The following CNMD variants were observed in gnomAD, a reference collection of about 807,000 sequenced individuals.
The protein encoded by CNMD is leukocyte cell-derived chemotaxin 1.
A neutral mutation model predicts 37.5 loss-of-function variants in CNMD; 30 were observed. That is an observed-to-expected ratio of 0.80 (90% CI 0.60 to 1.09). The LOEUF (loss-of-function observed/expected upper bound fraction) is 1.09. Among genes scored for constraint, CNMD ranks in the 50% least tolerant of loss-of-function variants. CNMD has a pLI of 0.00. For missense variants in CNMD, 398 were observed against 423.9 expected (o/e 0.94, Z 0.54); for synonymous variants, 167 against 148.2 (o/e 1.13, Z -0.92).
At chr13:52,721,514 G>C (rs1964481429) in intron 4 of CNMD, among the ~76,000 whole-genome samples, 1 of 152,242 alleles carries the variant, frequency 6.6e-6, no homozygotes, top group Admixed American at 6.5e-5. Context: ...CTCATGGCAT[G>C]GTCCCTCACA....
At chr13:52,724,922 AATAGAG>A (rs1390228869) in intron 3 of CNMD, among the ~76,000 whole-genome samples, 1 of 152,166 alleles carries the variant, frequency 6.6e-6, no homozygotes, top group Admixed American at 6.5e-5. Flanking sequence ...AACAAACAAG[AATAGAG>A]ATAAAGTCAG....
chr13:52,732,860 T>C (rs769080532), intron 3 of CNMD, among the ~76,000 whole-genome samples: 1 of 152,228 alleles, frequency 6.6e-6, no homozygotes, highest in Non-Finnish European at 1.5e-5. Context: ...GTTTTTTTCT[T>C]CCAGTTTTAA....
At chr13:52,718,672 T>C (rs1964430278) in intron 4 of CNMD, among the ~76,000 whole-genome samples, 1 of 152,242 alleles carries the variant, frequency 6.6e-6, no homozygotes, top group African/African-American at 2.4e-5. Context: ...TTCTTAATCC[T>C]GAGTTCTAAT....
intron 3 of CNMD, among the ~76,000 whole-genome samples, chr13:52,730,566 A>G (rs974974186): frequency 2.6e-5 from 4 of 152,010 alleles, no homozygotes; most frequent in African/African-American, 9.7e-5. Flanking sequence ...CATTTCTCTG[A>G]TGGCCAGTGA....
At chr13:52,713,464 T>G (rs1431324443) in intron 4 of CNMD, among the ~76,000 whole-genome samples, 1 of 152,236 alleles carries the variant, frequency 6.6e-6, no homozygotes, top group Non-Finnish European at 1.5e-5. Flanking sequence ...CACAGTGAGA[T>G]GCTGAGAATG....
rs748371703 is a variant in CNMD at position 52,739,197 on chromosome 13, C to A, written c.73-26G>T. The stretch of plus-strand genomic sequence containing the variant: ...CTGCGGGCCGGGGCGGGAGAGGGAC[C>A]GTCGCGTTTGTGCCGCCAGCACCTG... On this transcript the variant is annotated intron_variant, in intron 1 of 6. Transcript: ENST00000377962. This position sits in a 1 kb window ranked among gnomAD's most constrained non-coding sequence, Gnocchi z 5.4. 15 of 1,453,294 alleles carry A rather than the reference C, an allele frequency of 1.0e-5. 1 individual carries two copies. In the South Asian group the frequency reaches 2.2e-4, roughly 22 times the overall value. The allele number at this position is 1,453,294 out of a possible 1,614,324, so 90.0% of individuals were successfully genotyped here.
intron 3 of CNMD, 102 bp from the exon 4 acceptor site, chr13:52,724,212 G>T: frequency 1.2e-6 from 1 of 830,358 alleles, no homozygotes; most frequent in Non-Finnish European, 2.0e-6. Flanking sequence ...GCTAGGGATA[G>T]GGATGAACAA....
chr13:52,723,933 A>G (rs1257134035), intron 4 of CNMD, 64 bp downstream of exon 4: 1 of 1,018,850 alleles, frequency 9.8e-7, no homozygotes, highest in African/African-American at 1.6e-5. Flanking sequence ...AAAAACCAAA[A>G]GGGTTGTGCC....
intron 2 of CNMD, among the ~76,000 whole-genome samples, chr13:52,735,911 C>A (rs1478630704): frequency 2.0e-5 from 3 of 150,304 alleles, no homozygotes; most frequent in Non-Finnish European, 3.0e-5. Context: ...CTCACTGCAA[C>A]CTCCGCCTCC....
At chr13:52,719,798 T>C (rs1312535415) in intron 4 of CNMD, among the ~76,000 whole-genome samples, 1 of 152,228 alleles carries the variant, frequency 6.6e-6, no homozygotes, top group Non-Finnish European at 1.5e-5. Context: ...CTGACGATTA[T>C]GTGTCTTGGG....
intron 5 of CNMD, among the ~76,000 whole-genome samples, chr13:52,711,338 C>T (rs1419316790): frequency 6.6e-6 from 1 of 152,170 alleles, no homozygotes; most frequent in Non-Finnish European, 1.5e-5. Flanking sequence ...AGGTGTGGAA[C>T]AGAAAGCCAG....
chr13:52,724,291 C>T (rs1263166702), intron 3 of CNMD, among the ~76,000 whole-genome samples, 181 bp from the exon 4 acceptor site: 5 of 151,604 alleles, frequency 3.3e-5, no homozygotes, highest in East Asian at 3.9e-4. Flanking sequence ...AACAGCCGGG[C>T]GGCCTGGCGC....
chr13:52,709,000 G>A (rs58117431), intron 5 of CNMD, among the ~76,000 whole-genome samples: 1,724 of 152,166 alleles, frequency 0.011, 34 homozygotes, highest in African/African-American at 0.039. Flanking sequence ...CTTCACTACT[G>A]GGGCTGAGAA....
intron 3 of CNMD, 128 bp from the exon 4 acceptor site, chr13:52,724,238 C>T: frequency 1.5e-6 from 1 of 687,372 alleles, no homozygotes; most frequent in South Asian, 1.7e-5. Context: ...ATGGAACTGC[C>T]CTCATGGAAC....
At chr13:52,718,200 A>G (rs962905666) in intron 4 of CNMD, among the ~76,000 whole-genome samples, 1 of 152,076 alleles carries the variant, frequency 6.6e-6, no homozygotes, top group African/African-American at 2.4e-5. Flanking sequence ...CCCCCTTATC[A>G]TTTTTTATTG....
chr13:52,728,473 A>G (rs1964611714), intron 3 of CNMD, among the ~76,000 whole-genome samples: 1 of 152,178 alleles, frequency 6.6e-6, no homozygotes, highest in Admixed American at 6.5e-5. Flanking sequence ...GTGGGGCCTA[A>G]AATCTGCATT....
chr13:52,710,279 TTTAAC>T (rs1427838428), intron 5 of CNMD, among the ~76,000 whole-genome samples: 1 of 152,246 alleles, frequency 6.6e-6, no homozygotes, highest in African/African-American at 2.4e-5. Flanking sequence ...TTCTGCTTCT[TTTAAC>T]TAACTAAATG....
chr13:52,719,340 T>C (rs1260225405), intron 4 of CNMD, among the ~76,000 whole-genome samples: 14 of 152,228 alleles, frequency 9.2e-5, no homozygotes, highest in Admixed American at 8.5e-4. Context: ...AAGGTTAATA[T>C]TGTTATGTGT....
In CNMD at chr13:52,720,108, C is replaced by CCACTTAATGGATTTGGCTACTGATA. The variant is rs1594282831; in HGVS notation, c.468+3864_468+3888dup. On this transcript the variant is annotated intron_variant, in intron 4 of 6. Transcript: ENST00000377962. ...CAATCTTGGATATCCTTTCTTCCTT[C>CCACTTAATGGATTTGGCTACTGATA]CACTTAATGGATTTGGCTACTGATA... Among the ~76,000 whole-genome samples the CCACTTAATGGATTTGGCTACTGATA allele has an allele frequency of 3.9e-5, 6 of 152,254 alleles. No homozygotes were observed. The East Asian group carries it at 1.2e-3, about 29-fold the overall frequency.
Sources: gnomAD v4.1 joint callset for allele counts (sites outside exome capture counted in the v4.1 genomes callset) on GRCh38, gnomAD v4.1.1 for gene constraint, Gnocchi (gnomAD v3.1) non-coding constraint, MANE v1.5 for transcripts, NCBI Gene and HGNC (gene_info 2026-07-23, HGNC 2026-07-21) for gene names.